Variants in ANKRD29 observed in about 807,000 individuals in gnomAD.
The protein encoded by ANKRD29 is ankyrin repeat domain 29.
In ANKRD29, 32 loss-of-function variants were observed where a neutral mutation model predicts 38.0. That is an observed-to-expected ratio of 0.84 (90% CI 0.64 to 1.13). The LOEUF is 1.13. ANKRD29 is among the 50% of genes most tolerant of loss of function. The probability of loss-of-function intolerance (pLI) is 0.00; values close to 1 mark genes in which losing one functional copy is unlikely to be tolerated. For missense variants in ANKRD29, 357 were observed against 377.9 expected (o/e 0.94, Z 0.46); for synonymous variants, 135 against 152.4 (o/e 0.89, Z 0.84).
intron 1 of ANKRD29, among the ~76,000 whole-genome samples, chr18:23,661,966 C>T (rs1265128136): frequency 1.3e-5 from 2 of 150,638 alleles, no homozygotes; most frequent in Non-Finnish European, 2.9e-5. Flanking sequence ...AACACCATAA[C>T]TTATTGGCTG....
chr18:23,605,312 C>G (rs143106362), intron 9 of ANKRD29, among the ~76,000 whole-genome samples: 1 of 151,950 alleles, frequency 6.6e-6, no homozygotes, highest in Non-Finnish European at 1.5e-5. Context: ...TAGCTCATGA[C>G]AGCCTCAAAC....
Position 23,625,945 on chromosome 18 carries a change from T to C in ANKRD29, c.528+3908A>G, listed in dbSNP as rs565977350. Among the ~76,000 whole-genome samples, 7 of 152,306 alleles carry C rather than the reference T, an allele frequency of 4.6e-5. No homozygotes were observed. In the South Asian group the frequency reaches 1.5e-3, roughly 32 times the overall value. On this transcript the variant is annotated intron_variant, in intron 6 of 9. Coordinates refer to ENST00000592179, the MANE Select transcript of ANKRD29 (RefSeq NM_173505.4). ...CTCTCAGGCACTGATCACTAAATGC[T>C]GCAGGCTTCCAGACCTGCTCTGCAC...
intron 1 of ANKRD29, 191 bp from the exon 2 acceptor site, chr18:23,649,384 C>T (rs1439179789): frequency 2.8e-6 from 2 of 704,318 alleles, no homozygotes; most frequent in Non-Finnish European, 5.2e-6. Flanking sequence ...CCTGAGCCAC[C>T]ACATGGCTAT....
At chr18:23,652,032 C>T (rs918683315) in intron 1 of ANKRD29, among the ~76,000 whole-genome samples, 3 of 152,206 alleles carry the variant, frequency 2.0e-5, no homozygotes, top group South Asian at 2.1e-4. Context: ...TTGGAAACAC[C>T]GTACGAAGGA....
intron 9 of ANKRD29, among the ~76,000 whole-genome samples, chr18:23,606,164 C>G (rs2059572549): frequency 6.6e-6 from 1 of 152,222 alleles, no homozygotes; most frequent in Non-Finnish European, 1.5e-5. Flanking sequence ...GGCTGGAGTG[C>G]AGTGGCACAA....
chr18:23,607,501 A>G (rs1000021902), intron 9 of ANKRD29, among the ~76,000 whole-genome samples: 3 of 152,192 alleles, frequency 2.0e-5, no homozygotes, highest in African/African-American at 7.2e-5. Flanking sequence ...ACCTCTGTCT[A>G]CCAGCCTGCC....
chr18:23,611,409 C>A (rs748822064), intron 9 of ANKRD29, among the ~76,000 whole-genome samples: 1 of 152,142 alleles, frequency 6.6e-6, no homozygotes, highest in Admixed American at 6.5e-5. Context: ...ACTGGCCGGG[C>A]GTGGTGCCTC....
chr18:23,657,356 C>T (rs2060298123), intron 1 of ANKRD29, among the ~76,000 whole-genome samples: 1 of 152,232 alleles, frequency 6.6e-6, no homozygotes, highest in Admixed American at 6.5e-5. Flanking sequence ...CTCAGGCTCA[C>T]CGCCCTCAAC....
chr18:23,634,294 T>G (rs2059975024), intron 4 of ANKRD29, 145 bp from the exon 5 acceptor site: 5 of 476,830 alleles, frequency 1.0e-5, no homozygotes, highest in African/African-American at 6.0e-5. Context: ...TTTTTTTTTT[T>G]TTTTTTTTTT....
intron 9 of ANKRD29, among the ~76,000 whole-genome samples, chr18:23,611,410 G>A (rs1209933473): frequency 1.3e-5 from 2 of 152,106 alleles, no homozygotes; most frequent in African/African-American, 2.4e-5. Flanking sequence ...CTGGCCGGGC[G>A]TGGTGCCTCA....
intron 1 of ANKRD29, among the ~76,000 whole-genome samples, chr18:23,651,950 G>A (rs910114007): frequency 2.0e-5 from 3 of 152,208 alleles, no homozygotes; most frequent in Admixed American, 1.3e-4. Context: ...GGAGAGGAGG[G>A]AATAGGAAAG....
intron 1 of ANKRD29, among the ~76,000 whole-genome samples, chr18:23,662,047 C>T (rs777399704): frequency 6.6e-6 from 1 of 151,096 alleles, no homozygotes; most frequent in Non-Finnish European, 1.5e-5. Context: ...AAAAGAGCCA[C>T]GAAGAGCACC....
chr18:23,610,697 T>C (rs2059630615), intron 9 of ANKRD29, among the ~76,000 whole-genome samples: 1 of 152,120 alleles, frequency 6.6e-6, no homozygotes, highest in African/African-American at 2.4e-5. Flanking sequence ...GTTTAGTGCA[T>C]TTTCTCTCTA....
intron 9 of ANKRD29, among the ~76,000 whole-genome samples, chr18:23,610,254 G>A (rs2059624391): frequency 6.6e-6 from 1 of 152,194 alleles, no homozygotes; most frequent in Admixed American, 6.5e-5. Flanking sequence ...GAGGGGGGCG[G>A]ATCACAAGGT....
At chr18:23,626,030 C>T (rs941550688) in intron 6 of ANKRD29, among the ~76,000 whole-genome samples, 12 of 152,168 alleles carry the variant, frequency 7.9e-5, no homozygotes, top group Non-Finnish European at 7.3e-5. Flanking sequence ...CATGTGCAAA[C>T]GAAACAAGAC....
chr18:23,613,639 A>G (rs2059673545), intron 8 of ANKRD29, among the ~76,000 whole-genome samples: 1 of 146,756 alleles, frequency 6.8e-6, no homozygotes, highest in African/African-American at 2.5e-5. Flanking sequence ...TTGCTTTGTC[A>G]CCCAGGCTTG....
chr18:23,631,365 T>C (rs2145688050), intron 5 of ANKRD29, among the ~76,000 whole-genome samples: 1 of 150,946 alleles, frequency 6.6e-6, no homozygotes, highest in Admixed American at 6.6e-5. Context: ...CTCAGCCTCC[T>C]GAGTTGTTGG....
At chr18:23,627,478 G>T (rs551266153) in intron 6 of ANKRD29, among the ~76,000 whole-genome samples, 6 of 152,326 alleles carry the variant, frequency 3.9e-5, no homozygotes, top group Admixed American at 3.3e-4. Context: ...AGAAAAAACA[G>T]CTATGGCGTG....
intron 2 of ANKRD29, 25 bp downstream of exon 2, chr18:23,649,058 G>A (rs1440911890): frequency 1.3e-6 from 2 of 1,598,420 alleles, no homozygotes; most frequent in South Asian, 1.1e-5. Flanking sequence ...TGCATGCTGG[G>A]CATGCATCTA....
Sources: gnomAD v4.1 joint callset for allele counts (sites outside exome capture counted in the v4.1 genomes callset) on GRCh38, gnomAD v4.1.1 for gene constraint, MANE v1.5 for transcripts, NCBI Gene and HGNC (gene_info 2026-07-23, HGNC 2026-07-21) for gene names.